Variants in M1AP observed in about 807,000 individuals in gnomAD.
M1AP encodes the protein meiosis 1 associated protein.
In M1AP, 39 loss-of-function variants were observed where a neutral mutation model predicts 51.2. That is an observed-to-expected ratio of 0.76 (90% CI 0.59 to 1.00). The LOEUF (loss-of-function observed/expected upper bound fraction) is 1.00, where lower values mean the gene tolerates loss of function less well. Among genes scored for constraint, M1AP ranks in the 50% least tolerant of loss-of-function variants. The pLI, the probability that M1AP is intolerant of heterozygous loss-of-function variation, is 0.00. For synonymous variants in M1AP, 251 were observed against 249.2 expected (o/e 1.01, Z -0.07); for missense variants, 545 against 641.2 (o/e 0.85, Z 1.62).
chr2:74,598,331 G>A (rs1210012462), intron 4 of M1AP, among the ~76,000 whole-genome samples: 3 of 152,018 alleles, frequency 2.0e-5, no homozygotes, highest in Admixed American at 1.3e-4. Context: ...GTGGTGAGCC[G>A]AGACTGCGCC....
chr2:74,623,911 A>C (rs1258652639), intron 2 of M1AP, among the ~76,000 whole-genome samples: 1 of 152,080 alleles, frequency 6.6e-6, no homozygotes, highest in Non-Finnish European at 1.5e-5. Context: ...CGCTCAAGCG[A>C]TCCTCCCAAC....
At chr2:74,647,163 T>C (rs1683658494) in intron 1 of M1AP, 1 of 959,638 alleles carries the variant, frequency 1.0e-6, no homozygotes, top group South Asian at 4.8e-5. Context: ...ATTACACCAC[T>C]GGAAACAGAA....
intron 5 of M1AP, chr2:74,576,962 A>G: frequency 1.9e-6 from 2 of 1,054,184 alleles, no homozygotes; most frequent in South Asian, 3.3e-5. Context: ...AGGAACATGT[A>G]TCCTCTGTGG....
chr2:74,560,998 A>G (rs1207960597), intron 8 of M1AP, among the ~76,000 whole-genome samples: 2 of 151,014 alleles, frequency 1.3e-5, no homozygotes, highest in African/African-American at 4.9e-5. Flanking sequence ...AGCAGAGCAA[A>G]TATAGAGAAT....
At chr2:74,600,622 T>C (rs569090379) in intron 4 of M1AP, among the ~76,000 whole-genome samples, 23 of 152,294 alleles carry the variant, frequency 1.5e-4, no homozygotes, top group Non-Finnish European at 3.2e-4. Flanking sequence ...TATCTTCTTA[T>C]CTCTATTTCT....
intron 4 of M1AP, among the ~76,000 whole-genome samples, chr2:74,597,481 C>A (rs1416799142): frequency 6.6e-6 from 1 of 152,074 alleles, no homozygotes; most frequent in Non-Finnish European, 1.5e-5. Context: ...ACCCACCCCA[C>A]CCCCAGCCCT....
chr2:74,647,241 AG>A, intron 1 of M1AP: 1 of 985,140 alleles, frequency 1.0e-6, no homozygotes, highest in South Asian at 4.7e-5. Context: ...TCCTCACACT[AG>A]GCCCTCCCCT....
intron 4 of M1AP, among the ~76,000 whole-genome samples, chr2:74,604,859 C>T (rs1680877256): frequency 6.6e-6 from 1 of 152,050 alleles, no homozygotes; most frequent in Non-Finnish European, 1.5e-5. Context: ...GGGGAAAGAT[C>T]ACTACGTAGG....
chr2:74,647,231 T>C, intron 1 of M1AP: 7 of 985,224 alleles, frequency 7.1e-6, no homozygotes, highest in Non-Finnish European at 8.4e-6. Context: ...CAACTCTCCA[T>C]CCTCACACTA....
intron 1 of M1AP, among the ~76,000 whole-genome samples, chr2:74,643,389 T>C (rs1683423467): frequency 6.6e-6 from 1 of 151,288 alleles, no homozygotes; most frequent in Non-Finnish European, 1.5e-5. Flanking sequence ...TACATACACA[T>C]GTAGCATGAT....
intron 7 of M1AP, among the ~76,000 whole-genome samples, chr2:74,569,352 G>A (rs566688777): frequency 3.4e-5 from 5 of 148,820 alleles, no homozygotes; most frequent in Non-Finnish European, 7.4e-5. Flanking sequence ...TAATGTGTGT[G>A]TCATGCACCT....
intron 4 of M1AP, among the ~76,000 whole-genome samples, chr2:74,585,767 T>C (rs913191256): frequency 1.3e-5 from 2 of 152,238 alleles, no homozygotes; most frequent in Non-Finnish European, 2.9e-5. Context: ...CAGAACATTT[T>C]AGAGGCTAAA....
rs778781721 is a variant in M1AP, at chr2:74,560,303, AGAG to A, written c.1282-15_1282-13del. On this transcript the variant is annotated splice_polypyrimidine_tract_variant and intron_variant, in intron 8 of 10. Coordinates refer to ENST00000421985, the MANE Select transcript of M1AP (RefSeq NM_001321739.2). ...CTGTCCAGCATGCTCTGAGGAAAAGAGAGGAGGGGCCTCACTAGGGAACTTAAG... is the reference window on the plus strand; with the variant it reads ...CTGTCCAGCATGCTCTGAGGAAAAGAGAGGGGCCTCACTAGGGAACTTAAG... 46 of 1,579,592 alleles carry A rather than the reference AGAG, an allele frequency of 2.9e-5. No individual in the cohort carries two copies. The highest frequency in any genetic ancestry group is 2.3e-4 in the Admixed American group (12 of 53,022).
At chr2:74,603,621 GAA>G (rs766164661) in intron 4 of M1AP, among the ~76,000 whole-genome samples, 28 of 152,116 alleles carry the variant, frequency 1.8e-4, no homozygotes, top group Non-Finnish European at 3.4e-4. Context: ...GAATTTAGAG[GAA>G]AAGACTGCTA....
At chr2:74,641,261 C>G (rs1683283225) in intron 1 of M1AP, among the ~76,000 whole-genome samples, 1 of 152,202 alleles carries the variant, frequency 6.6e-6, no homozygotes, top group African/African-American at 2.4e-5. Context: ...TTTGCTCATG[C>G]TGCTTCTCTG....
intron 3 of M1AP, among the ~76,000 whole-genome samples, chr2:74,610,168 A>AT: frequency 6.8e-6 from 1 of 146,766 alleles, no homozygotes; most frequent in East Asian, 2.0e-4. Flanking sequence ...TGCCTGGCTT[A>AT]TTTTTGTATT....
chr2:74,627,774 T>C (rs1292328494), intron 2 of M1AP, among the ~76,000 whole-genome samples: 1 of 152,198 alleles, frequency 6.6e-6, no homozygotes, highest in African/African-American at 2.4e-5. Flanking sequence ...TAGCCCTAAT[T>C]TGGTTTTCAC....
In M1AP at chr2:74,558,429, A is replaced by G. The variant is rs1677653792; in HGVS notation, c.*287T>C. The G allele has an allele frequency of 1.3e-5, 5 of 372,346 alleles. No homozygotes were observed. The East Asian group carries it at 2.6e-4, about 19-fold the overall frequency. The allele number at this position is 372,346 out of a possible 1,614,324, so 23.1% of individuals were successfully genotyped here. A position where few individuals can be genotyped will look rare whatever the true frequency, so the allele number is the denominator to read the frequency against. On this transcript the variant is annotated 3_prime_UTR_variant, in exon 11 of 11. Coordinates refer to ENST00000421985, the MANE Select transcript of M1AP (RefSeq NM_001321739.2). Reference sequence around the variant, plus strand: ...TTCTGAGTTATGAATGCTCCTAACAATGGTAGAAGCTTACTGGGTGTTTAA... The same window carrying G: ...TTCTGAGTTATGAATGCTCCTAACAGTGGTAGAAGCTTACTGGGTGTTTAA...
At position 74,557,919 on chromosome 2, in the gene M1AP, G is replaced by GGT. The variant is rs911276211; in HGVS notation, c.*796_*797insAC. ...AAGTTTTTATTATTTATGTAGAGATGGCGGGGGGGTCTCACAGTGTTGCTC... is the reference window on the plus strand; with the variant it reads ...AAGTTTTTATTATTTATGTAGAGATGGTGCGGGGGGGTCTCACAGTGTTGCTC... On this transcript the variant is annotated 3_prime_UTR_variant, in exon 11 of 11. Transcript: ENST00000421985. 1.0e-5 allele frequency: 1 copy of GGT among 97,690 alleles called. No individual in the cohort carries two copies. The highest frequency in any genetic ancestry group is 3.6e-3 in the East Asian group (1 of 278). The allele number at this position is 97,690 out of a possible 1,614,324, so 6.1% of individuals were successfully genotyped here.
Sources: gnomAD v4.1 joint callset for allele counts (sites outside exome capture counted in the v4.1 genomes callset) on GRCh38, gnomAD v4.1.1 for gene constraint, MANE v1.5 for transcripts, NCBI Gene and HGNC (gene_info 2026-07-23, HGNC 2026-07-21) for gene names.